Variants in ABLIM2 observed in about 807,000 individuals in gnomAD.
ABLIM2 encodes the protein actin-binding LIM protein 2.
In ABLIM2, 53 loss-of-function variants were observed where a neutral mutation model predicts 97.7. The observed-to-expected ratio is 0.54, with a 90% CI of 0.44 to 0.68. The LOEUF (loss-of-function observed/expected upper bound fraction) is 0.68, where lower values mean the gene tolerates loss of function less well. Ranked by LOEUF, ABLIM2 falls within the 30% of genes least tolerant of loss-of-function variation. The pLI, the probability that ABLIM2 is intolerant of heterozygous loss-of-function variation, is 0.00. For missense variants in ABLIM2, 835 were observed against 867.2 expected (o/e 0.96, Z 0.47); for synonymous variants, 361 against 345.8 (o/e 1.04, Z -0.49).
rs1352758762 is a variant in ABLIM2, at chr4:8,001,788, C to T, written c.1618+6271G>A. Among the ~76,000 whole-genome samples, 3 of 152,134 alleles carry T rather than the reference C, an allele frequency of 2.0e-5. No homozygotes were observed. The highest frequency in any genetic ancestry group is 4.4e-5 in the Non-Finnish European group (3 of 68,026). ...CTGCAGGATCAGCCCTGCTGGCTGC[C>T]CCCTTCCCCACTTCCCTGGCCCACT... On this transcript the variant is annotated intron_variant, in intron 16 of 20. Transcript: ENST00000447017. This position sits in a 1 kb window ranked among gnomAD's most constrained non-coding sequence, Gnocchi z 4.2.
At chr4:8,062,899 C>G (rs1401880561) in intron 6 of ABLIM2, among the ~76,000 whole-genome samples, 1 of 152,206 alleles carries the variant, frequency 6.6e-6, no homozygotes, top group Non-Finnish European at 1.5e-5. Context: ...GTCCTCACAC[C>G]TGCTTAAATC....
rs937984502 is a variant in ABLIM2, at chr4:8,128,345, A to G, written c.11-21708T>C. 1.4e-4 allele frequency among the ~76,000 whole-genome samples: 21 copies of G among 152,202 alleles called. No individual in the cohort carries two copies. The highest frequency in any genetic ancestry group is 4.6e-4 in the African/African-American group (19 of 41,430). On this transcript the variant is annotated intron_variant, in intron 1 of 20. Coordinates refer to ENST00000447017, the MANE Select transcript of ABLIM2 (RefSeq NM_001130083.2). The surrounding 1 kb of genome is among the most constrained non-coding windows in gnomAD (Gnocchi z 4.9). ...TCAGAGCTTCCAGGTGGGTGGGGCC[A>G]CAAGAAGACGTGTCTCTATCTAGCG...
intron 12 of ABLIM2, among the ~76,000 whole-genome samples, chr4:8,026,930 AGTGGCCTTTTACCTGAGTGTGT>A: frequency 6.7e-6 from 1 of 149,072 alleles, no homozygotes; most frequent in South Asian, 2.2e-4. Flanking sequence ...GTGTGTCTGC[AGTGGCCTTTTACCTGAGTGTGT>A]GTGTCTGCAG....
At chr4:8,051,576 A>AG (rs1554010863) in intron 8 of ABLIM2, among the ~76,000 whole-genome samples, 1 of 151,356 alleles carries the variant, frequency 6.6e-6, no homozygotes, top group Non-Finnish European at 1.5e-5. Context: ...AAAAAAAAAA[A>AG]AAAGAAAAGA....
chr4:8,092,162 T>A (rs7675402), intron 3 of ABLIM2, among the ~76,000 whole-genome samples: 42,155 of 150,732 alleles, frequency 0.28, 5,941 homozygotes, highest in East Asian at 0.3. Flanking sequence ...TACACCTGGC[T>A]AATTTTTATA....
Position 8,155,090 on chromosome 4 carries a change from C to G in ABLIM2, c.10+3590G>C, listed in dbSNP as rs772935640. Among the ~76,000 whole-genome samples the G allele has an allele frequency of 1.3e-5, 2 of 152,208 alleles. No homozygotes were observed. Among genetic ancestry groups the G allele is most frequent in the Non-Finnish European group, 2.9e-5 (2 of 68,048 alleles). On this transcript the variant is annotated intron_variant, in intron 1 of 20. Transcript: ENST00000447017. The surrounding 1 kb of genome is among the most constrained non-coding windows in gnomAD (Gnocchi z 4.2). ...TTGACACGTGGGGATTATTACAACTCAAGGTAAGATGTGGGTGGGGACACA... is the reference window on the plus strand; with the variant it reads ...TTGACACGTGGGGATTATTACAACTGAAGGTAAGATGTGGGTGGGGACACA...
intron 7 of ABLIM2, among the ~76,000 whole-genome samples, chr4:8,059,314 A>G (rs1272924171): frequency 6.6e-6 from 1 of 151,852 alleles, no homozygotes; most frequent in East Asian, 1.9e-4. Context: ...TTACTGGGGG[A>G]AACAGCAGAC....
rs1772011876 is a variant in ABLIM2 at position 8,019,539 on chromosome 4, A to G, written c.1423+79T>C. On this transcript the variant is annotated intron_variant, in intron 14 of 20. Coordinates refer to ENST00000447017, the MANE Select transcript of ABLIM2 (RefSeq NM_001130083.2). The surrounding 1 kb of genome is among the most constrained non-coding windows in gnomAD (Gnocchi z 4.3). ...TTCACTGCATTTATCAGAACACAACAAAAGGATGCATTCAGAAGCAGATGG... is the reference window on the plus strand; with the variant it reads ...TTCACTGCATTTATCAGAACACAACGAAAGGATGCATTCAGAAGCAGATGG... 2 of 1,410,012 alleles carry G rather than the reference A, an allele frequency of 1.4e-6. No individual in the cohort carries two copies. Among genetic ancestry groups the G allele is most frequent in the Admixed American group, 2.0e-5 (1 of 48,974 alleles). 87.3% of individuals were successfully genotyped at this position (1,410,012 alleles called of 1,614,324 possible).
chr4:8,121,456 C>T (rs974883642), intron 1 of ABLIM2, among the ~76,000 whole-genome samples: 1 of 152,220 alleles, frequency 6.6e-6, no homozygotes, highest in African/African-American at 2.4e-5. Flanking sequence ...CGTTCCAGAG[C>T]GAGGAGCATC....
rs980512829 is a variant in ABLIM2 at position 8,033,411 on chromosome 4, G to T, written c.1047+2738C>A. ...CCTGTGAAGCCCTGTGCCATGGGAG[G>T]TGGGAAGCTGAAGGCCATGGGTGGA... On this transcript the variant is annotated intron_variant, in intron 10 of 20. Transcript: ENST00000447017. The surrounding 1 kb of genome is among the most constrained non-coding windows in gnomAD (Gnocchi z 4.5). Among the ~76,000 whole-genome samples, 15 of 152,360 alleles carry T rather than the reference G, an allele frequency of 9.8e-5. No individual in the cohort carries two copies. The highest frequency in any genetic ancestry group is 3.6e-4 in the African/African-American group (15 of 41,592).
chr4:8,135,884 T>G (rs571790865), intron 1 of ABLIM2, among the ~76,000 whole-genome samples: 88 of 152,276 alleles, frequency 5.8e-4, no homozygotes, highest in African/African-American at 2.0e-3. Flanking sequence ...TGGTGAAGAA[T>G]GAATAAAGCA....
chr4:8,083,407 G>C lies in ABLIM2; in HGVS notation c.455-2605C>G, dbSNP rs573603646. Among the ~76,000 whole-genome samples, 1 of 152,282 alleles carries C rather than the reference G, an allele frequency of 6.6e-6. No homozygotes were observed. The highest frequency in any genetic ancestry group is 1.9e-4 in the East Asian group (1 of 5,176). ...GTTGTTGCCAGGTGGTCCCCTCACGGGTGGCCTGCTCCCTCTGTGATGCCT... is the reference window on the plus strand; with the variant it reads ...GTTGTTGCCAGGTGGTCCCCTCACGCGTGGCCTGCTCCCTCTGTGATGCCT... On this transcript the variant is annotated intron_variant, in intron 4 of 20. Transcript: ENST00000447017. This position sits in a 1 kb window ranked among gnomAD's most constrained non-coding sequence, Gnocchi z 4.6.
chr4:8,009,072 C>A lies in ABLIM2; in HGVS notation c.1454G>T (p.Ser485Ile). The change falls in exon 15 of 21, where the codon AGC becomes ATC. Residue 485 changes from serine to isoleucine, a missense_variant. Coordinates refer to ENST00000447017, the MANE Select transcript of ABLIM2 (RefSeq NM_001130083.2). ...TACCTTCCTGTTATCCTGGTCCAAGCTTCCATCCTCCCCATCCGATCGCCT... is the reference window on the plus strand; with the variant it reads ...TACCTTCCTGTTATCCTGGTCCAAGATTCCATCCTCCCCATCCGATCGCCT... ...AARRSDGEDG[S>I]LDQDNRKQKS... is the part of the protein sequence containing the mutation. The A allele has an allele frequency of 1.9e-6, 3 of 1,614,052 alleles. No individual in the cohort carries two copies. The highest frequency in any genetic ancestry group is 1.7e-5 in the Admixed American group (1 of 60,036).
intron 3 of ABLIM2, among the ~76,000 whole-genome samples, chr4:8,096,272 G>A (rs1011927613): frequency 1.3e-5 from 2 of 152,190 alleles, no homozygotes; most frequent in South Asian, 4.1e-4. Flanking sequence ...GACAAGTCCA[G>A]CTCCAGTGAC....
chr4:8,096,705 G>A (rs572816732), intron 3 of ABLIM2, among the ~76,000 whole-genome samples: 8 of 152,308 alleles, frequency 5.3e-5, no homozygotes, highest in South Asian at 2.1e-4. Flanking sequence ...TGGGAGGAAC[G>A]AGTCAGGGGC....
rs1712221952 is a variant in ABLIM2, at chr4:8,150,342, T to C, written c.10+8338A>G. ...TGAACTGGGGACGGAGTTCCACCCA[T>C]CACACATCCTCCACTCCTTGGGTGT... On this transcript the variant is annotated intron_variant, in intron 1 of 20. Coordinates refer to ENST00000447017, the MANE Select transcript of ABLIM2 (RefSeq NM_001130083.2). The surrounding 1 kb of genome is among the most constrained non-coding windows in gnomAD (Gnocchi z 6.3). Among the ~76,000 whole-genome samples the C allele has an allele frequency of 6.6e-6, 1 of 152,096 alleles. No individual in the cohort carries two copies. The highest frequency in any genetic ancestry group is 2.4e-5 in the African/African-American group (1 of 41,440).
chr4:8,016,626 A>C (rs1245977075), intron 14 of ABLIM2, among the ~76,000 whole-genome samples: 2 of 152,184 alleles, frequency 1.3e-5, no homozygotes, highest in Non-Finnish European at 2.9e-5. Flanking sequence ...CAGACCAGAC[A>C]AACTAGAGCC....
At chr4:8,062,374 T>C (rs1195099471) in intron 6 of ABLIM2, among the ~76,000 whole-genome samples, 1 of 151,934 alleles carries the variant, frequency 6.6e-6, no homozygotes, top group African/African-American at 2.4e-5. Context: ...GGCCCCAGAA[T>C]GTGGGTGAAA....
intron 7 of ABLIM2, among the ~76,000 whole-genome samples, chr4:8,057,127 C>T (rs1412452401): frequency 2.3e-5 from 3 of 130,546 alleles, no homozygotes; most frequent in African/African-American, 5.7e-5. Flanking sequence ...AAGACAAAGT[C>T]TCACTCTGTT....
Sources: gnomAD v4.1 joint callset for allele counts (sites outside exome capture counted in the v4.1 genomes callset) on GRCh38, gnomAD v4.1.1 for gene constraint, Gnocchi (gnomAD v3.1) non-coding constraint, MANE v1.5 for transcripts, NCBI Gene and HGNC (gene_info 2026-07-23, HGNC 2026-07-21) for gene names.